The following ABCB9 variants were observed in gnomAD, a reference collection of about 807,000 sequenced individuals.
ABCB9 encodes the protein ABC-type oligopeptide transporter ABCB9.
ABCB9 carries 36 observed loss-of-function variants against 62.0 expected under a neutral mutation model. The observed-to-expected ratio is 0.58, with a 90% CI of 0.45 to 0.77. The LOEUF (loss-of-function observed/expected upper bound fraction) is 0.77. ABCB9 is among the 30% of genes least tolerant of loss of function. The pLI is 0.00. For missense variants in ABCB9, 943 were observed against 1,054.7 expected (o/e 0.89, Z 1.47); for synonymous variants, 435 against 461.4 (o/e 0.94, Z 0.73).
At chr12:122,960,903 A>T (rs1031846255) in intron 1 of ABCB9, among the ~76,000 whole-genome samples, 8 of 152,086 alleles carry the variant, frequency 5.3e-5, no homozygotes, top group African/African-American at 1.9e-4. Context: ...ACAAACAAAC[A>T]AACAAACATT....
upstream of ABCB9, among the ~76,000 whole-genome samples, chr12:122,966,922 C>T (rs913850606): frequency 1.3e-5 from 2 of 152,258 alleles, no homozygotes; most frequent in African/African-American, 4.8e-5. Context: ...TTATCCAGTG[C>T]CTACGGCGTG....
In ABCB9 at chr12:122,944,309, A is replaced by G; in HGVS notation, c.1380+82T>C. 3.3e-6 allele frequency: 5 copies of G among 1,513,140 alleles called. No homozygotes were observed. The highest frequency in any genetic ancestry group is 3.6e-6 in the Non-Finnish European group (4 of 1,119,686). The allele number at this position is 1,513,140 out of a possible 1,614,324, so 93.7% of individuals were successfully genotyped here. On this transcript the variant is annotated intron_variant, in intron 7 of 11. Transcript: ENST00000280560. The surrounding 1 kb of genome is among the most constrained non-coding windows in gnomAD (Gnocchi z 4.9). ...AATACCACATTGTCAGAGTCCCTGGAGCCCCGCCCCCACCCTGTTAAGATC... is the reference window on the plus strand; with the variant it reads ...AATACCACATTGTCAGAGTCCCTGGGGCCCCGCCCCCACCCTGTTAAGATC...
exon 1 of ABCB9, chr12:122,974,971 G>C (rs1273375743): frequency 6.7e-6 from 2 of 297,894 alleles, no homozygotes; most frequent in Non-Finnish European, 1.2e-5. Context: ...TCCTCTCCCC[G>C]TCCTGTGAAG....
chr12:122,955,724 T>G (rs1470998448), intron 2 of ABCB9, among the ~76,000 whole-genome samples: 1 of 151,918 alleles, frequency 6.6e-6, no homozygotes, highest in Non-Finnish European at 1.5e-5. Flanking sequence ...TGTTTTTTTT[T>G]TTTTTGAGAC....
intron 1 of ABCB9, among the ~76,000 whole-genome samples, chr12:122,960,809 C>T (rs1267123695): frequency 6.6e-6 from 1 of 151,458 alleles, no homozygotes; most frequent in East Asian, 1.9e-4. Flanking sequence ...TCTTGTGAGG[C>T]CAAGGTTGGA....
chr12:122,961,875 T>C (rs535646220), intron 1 of ABCB9, among the ~76,000 whole-genome samples: 2 of 152,368 alleles, frequency 1.3e-5, no homozygotes, highest in South Asian at 2.1e-4. Context: ...TTGCTGCTGA[T>C]TGTAATCAAC....
intron 9 of ABCB9, among the ~76,000 whole-genome samples, chr12:122,939,041 G>A (rs959491151): frequency 5.9e-5 from 9 of 151,756 alleles, no homozygotes; most frequent in Non-Finnish European, 1.0e-4. Context: ...GCATGGTGAC[G>A]CACTCCTGTA....
At chr12:122,923,149 C>A (rs989168399) in intron 11 of ABCB9, among the ~76,000 whole-genome samples, 2 of 152,120 alleles carry the variant, frequency 1.3e-5, no homozygotes, top group Admixed American at 1.3e-4. Context: ...GTCGCCCAGG[C>A]TGGAGTGCAG....
chr12:122,953,400 T>C (rs1323247110), intron 2 of ABCB9, among the ~76,000 whole-genome samples: 1 of 151,918 alleles, frequency 6.6e-6, no homozygotes, highest in Non-Finnish European at 1.5e-5. Context: ...TGTATATATA[T>C]ATTTTGAGAT....
chr12:122,924,867 A>C, downstream of ABCB9: 1 of 1,526,808 alleles, frequency 6.5e-7, no homozygotes. Flanking sequence ...AACAGAAAAA[A>C]GTCAGCTTTA....
chr12:122,935,676 C>A (rs1478080229), intron 9 of ABCB9, among the ~76,000 whole-genome samples: 1 of 152,156 alleles, frequency 6.6e-6, no homozygotes, highest in Non-Finnish European at 1.5e-5. Flanking sequence ...CTGGGATAAG[C>A]CAAGTTCCCT....
At chr12:122,922,182 G>A (rs1409522816) in intron 11 of ABCB9, among the ~76,000 whole-genome samples, 1 of 152,076 alleles carries the variant, frequency 6.6e-6, no homozygotes, top group Non-Finnish European at 1.5e-5. Flanking sequence ...GGCCACAGCA[G>A]CACTTATCAT....
At chr12:122,922,592 T>C (rs751610027) in intron 11 of ABCB9, among the ~76,000 whole-genome samples, 9 of 152,216 alleles carry the variant, frequency 5.9e-5, no homozygotes, top group Admixed American at 2.0e-4. Flanking sequence ...CTGGCCAAGA[T>C]GGTCTCGAAC....
At chr12:122,955,069 TCACAGGTA>T (rs2135888321) in intron 2 of ABCB9, among the ~76,000 whole-genome samples, 1 of 152,296 alleles carries the variant, frequency 6.6e-6, no homozygotes, top group African/African-American at 2.4e-5. Flanking sequence ...GTAGCTGCGG[TCACAGGTA>T]CATGGCATTG....
upstream of ABCB9, among the ~76,000 whole-genome samples, chr12:122,967,370 T>C (rs2037207579): frequency 6.6e-6 from 1 of 152,258 alleles, no homozygotes; most frequent in Non-Finnish European, 1.5e-5. Context: ...GGGAACCAAC[T>C]TGGCCACTTG....
At chr12:122,933,446 C>T (rs529057190) in intron 10 of ABCB9, among the ~76,000 whole-genome samples, 10 of 151,862 alleles carry the variant, frequency 6.6e-5, no homozygotes, top group African/African-American at 1.7e-4. Flanking sequence ...CCCAGCTACT[C>T]GGGAGGCCGA....
At chr12:122,925,108 A>C (rs1252987397), downstream of ABCB9, among the ~76,000 whole-genome samples, 4 of 152,084 alleles carry the variant, frequency 2.6e-5, no homozygotes, top group Non-Finnish European at 5.9e-5. Flanking sequence ...TTTAGTAGAG[A>C]TGAGGTTTCA....
At chr12:122,931,120 G>A (rs2035133443) in intron 11 of ABCB9, among the ~76,000 whole-genome samples, 1 of 151,954 alleles carries the variant, frequency 6.6e-6, no homozygotes, top group Non-Finnish European at 1.5e-5. Flanking sequence ...TGCTTCCCAG[G>A]TTCATGCTAT....
At position 122,949,815 on chromosome 12, in the gene ABCB9, T is replaced by C; in HGVS notation, c.820A>G (p.Thr274Ala). The C allele has an allele frequency of 6.2e-7, 1 of 1,614,146 alleles. No homozygotes were observed. The highest frequency in any genetic ancestry group is 8.5e-7 in the Non-Finnish European group (1 of 1,179,998). The change falls in exon 4 of 12, where the codon ACA becomes GCA. Residue 274 changes from threonine to alanine, a missense_variant. Thr to Ala is a moderately conservative substitution (Grantham distance 58). Transcript: ENST00000280560. Reference sequence around the variant, plus strand: ...GTGCGGTTCTCATCAAAGAAGCTTGTCTCCTGGGACACCAGTGAGCGGAAG... The same window carrying C: ...GTGCGGTTCTCATCAAAGAAGCTTGCCTCCTGGGACACCAGTGAGCGGAAG... ...CLFRSLVSQETSFFDENRTGD... is the reference protein window; with the variant it reads ...CLFRSLVSQEASFFDENRTGD...
Sources: allele counts gnomAD v4.1 joint callset (sites outside exome capture counted in the v4.1 genomes callset), GRCh38; gene constraint gnomAD v4.1.1; non-coding constraint Gnocchi (gnomAD v3.1); transcripts MANE v1.5; gene names NCBI Gene and HGNC (gene_info 2026-07-23, HGNC 2026-07-21).